The following POF1B variants were observed in gnomAD, a reference collection of about 807,000 sequenced individuals.
POF1B encodes protein POF1B.
Under a neutral mutation model 55.3 loss-of-function variants are expected in POF1B, and 53 were observed. The ratio of observed to expected loss-of-function variants is 0.96; its 90% CI spans 0.77 to 1.20. The LOEUF (loss-of-function observed/expected upper bound fraction) is 1.20, where lower values mean the gene tolerates loss of function less well. Among genes scored for constraint, POF1B ranks in the 50% most tolerant of loss-of-function variants. POF1B has a pLI of 0.00. For missense variants in POF1B, 478 were observed against 420.5 expected (o/e 1.14, Z -1.20); for synonymous variants, 188 against 148.3 (o/e 1.27, Z -1.95).
At chrX:85,348,636 A>G (rs1051246456) in intron 5 of POF1B, among the ~76,000 whole-genome samples, 13 of 111,485 alleles carry the variant, frequency 1.2e-4, no homozygotes, top group African/African-American at 4.2e-4. Flanking sequence ...CTCTATCTGC[A>G]TGGTTCCTTT....
In POF1B at chrX:85,331,226, G is replaced by T; in HGVS notation, c.724-147C>A. ...TTCAGGGATACATTTTTTAATGTGG[G>T]AGAAATTTAAAGAAAAATCAACATT... On this transcript the variant is annotated intron_variant, in intron 6 of 16. Transcript: ENST00000262753. 1.1e-5 allele frequency: 6 copies of T among 559,494 alleles called. No individual in the cohort carries two copies. In the South Asian group the frequency reaches 3.2e-4, roughly 30 times the overall value. The allele number at this position is 559,494 out of a possible 1,213,427, so 46.1% of individuals were successfully genotyped here.
intron 15 of POF1B, among the ~76,000 whole-genome samples, chrX:85,296,716 T>C: frequency 8.9e-6 from 1 of 111,957 alleles, no homozygotes; most frequent in Middle Eastern, 4.6e-3. Flanking sequence ...ACTATGTGTC[T>C]TGGGAATGTT....
At chrX:85,339,227 T>C (rs942285548) in intron 6 of POF1B, among the ~76,000 whole-genome samples, 1 of 110,232 alleles carries the variant, frequency 9.1e-6, no homozygotes, top group South Asian at 3.9e-4. Context: ...GCGGGGAAAC[T>C]CCCTCTTATA....
At chrX:85,290,287 ATT>A (rs201282858) in intron 15 of POF1B, among the ~76,000 whole-genome samples, 1 of 107,797 alleles carries the variant, frequency 9.3e-6, no homozygotes, top group East Asian at 3.0e-4. Context: ...AAAAGACATG[ATT>A]TTTTTTTTAT....
At chrX:85,338,783 A>G (rs1933119504) in intron 6 of POF1B, among the ~76,000 whole-genome samples, 1 of 109,703 alleles carries the variant, frequency 9.1e-6, no homozygotes, top group South Asian at 3.9e-4. Flanking sequence ...CAGACAGAGC[A>G]GTTAAAAAAA....
chrX:85,364,184 G>T (rs1255373856), intron 3 of POF1B, among the ~76,000 whole-genome samples: 1 of 110,823 alleles, frequency 9.0e-6, no homozygotes, highest in Non-Finnish European at 1.9e-5. Context: ...TTTAGGGGGA[G>T]TCTTGGTTCT....
Position 85,326,392 on chromosome X carries a change from G to A in POF1B, c.854+4557C>T, listed in dbSNP as rs761643285. ...GGACTGTGCGCGCCCTTTGTGTGCGGATTCACACAGGCGGCAGCTACTGCT... is the reference window on the plus strand; with the variant it reads ...GGACTGTGCGCGCCCTTTGTGTGCGAATTCACACAGGCGGCAGCTACTGCT... On this transcript the variant is annotated intron_variant, in intron 7 of 16. Transcript: ENST00000262753. Among the ~76,000 whole-genome samples the A allele has an allele frequency of 4.4e-3, 487 of 109,511 alleles. 4 individuals are homozygous for A. The highest frequency in any genetic ancestry group is 0.015 in the African/African-American group (464 of 30,036).
chrX:85,315,003 A>G (rs1319057213), intron 8 of POF1B, among the ~76,000 whole-genome samples: 2 of 111,434 alleles, frequency 1.8e-5, no homozygotes, highest in Non-Finnish European at 3.8e-5. Flanking sequence ...TGATGTTGCC[A>G]CCACAACACT....
intron 11 of POF1B, 68 bp downstream of exon 11, chrX:85,307,095 A>G (rs1278887681): frequency 1.2e-6 from 1 of 812,565 alleles, no homozygotes; most frequent in South Asian, 2.4e-5. Flanking sequence ...CATAACTCCA[A>G]TGTGCCAGTA....
intron 5 of POF1B, among the ~76,000 whole-genome samples, chrX:85,347,340 T>C (rs1217559456): frequency 9.0e-6 from 1 of 111,402 alleles, no homozygotes; most frequent in Admixed American, 9.6e-5. Context: ...TATTTTACAT[T>C]TTTATATGAA....
At chrX:85,298,995 A>G (rs1438194035) in intron 15 of POF1B, among the ~76,000 whole-genome samples, 1 of 110,008 alleles carries the variant, frequency 9.1e-6, no homozygotes, top group Non-Finnish European at 1.9e-5. Flanking sequence ...CCATAAAAGA[A>G]AAAGGAAATC....
intron 4 of POF1B, among the ~76,000 whole-genome samples, chrX:85,355,716 C>T (rs1408133874): frequency 8.9e-6 from 1 of 112,078 alleles, no homozygotes; most frequent in Non-Finnish European, 1.9e-5. Context: ...AAATGCTCAT[C>T]GTCACTGGCC....
chrX:85,363,045 T>C (rs1410961395), intron 3 of POF1B, among the ~76,000 whole-genome samples: 1 of 111,485 alleles, frequency 9.0e-6, no homozygotes, highest in African/African-American at 3.3e-5. Flanking sequence ...GAGGTGTTTG[T>C]AGCAGTTTCT....
At chrX:85,304,650 C>CA (rs1354387970) in intron 13 of POF1B, among the ~76,000 whole-genome samples, 179 bp from the exon 14 acceptor site, 2 of 110,845 alleles carry the variant, frequency 1.8e-5, no homozygotes, top group Non-Finnish European at 3.8e-5. Flanking sequence ...ATGCCAATTA[C>CA]AAATTTCTCC....
chrX:85,318,959 A>C (rs1932811036), intron 7 of POF1B, among the ~76,000 whole-genome samples: 1 of 112,006 alleles, frequency 8.9e-6, no homozygotes, highest in African/African-American at 3.2e-5. Context: ...GGCTTTGGGC[A>C]GTATTGCCAT....
intron 15 of POF1B, among the ~76,000 whole-genome samples, chrX:85,289,667 A>G (rs1394288236): frequency 8.9e-6 from 1 of 111,932 alleles, no homozygotes; most frequent in Admixed American, 9.5e-5. Context: ...AAACCAAAAC[A>G]AAAAACCAAG....
intron 4 of POF1B, among the ~76,000 whole-genome samples, chrX:85,359,143 C>A (rs1335984932): frequency 9.0e-6 from 1 of 111,178 alleles, no homozygotes; most frequent in African/African-American, 3.3e-5. Context: ...CTTCCTAGTC[C>A]ATATCTCCAT....
intron 6 of POF1B, among the ~76,000 whole-genome samples, chrX:85,337,517 G>A (rs1447996576): frequency 9.0e-6 from 1 of 111,190 alleles, no homozygotes; most frequent in Non-Finnish European, 1.9e-5. Context: ...TTCCTGCAGG[G>A]AGGACAATCG....
At chrX:85,367,546 G>T in intron 3 of POF1B, 146 bp downstream of exon 3, 2 of 425,431 alleles carry the variant, frequency 4.7e-6, no homozygotes, top group Admixed American at 9.6e-5. Flanking sequence ...ATACTCATAT[G>T]TGAGAATCCT....
Sources: allele counts gnomAD v4.1 joint callset (sites outside exome capture counted in the v4.1 genomes callset), GRCh38; gene constraint gnomAD v4.1.1; transcripts MANE v1.5; gene names NCBI Gene and HGNC (gene_info 2026-07-23, HGNC 2026-07-21).